Variants in TPP2 observed in about 807,000 individuals in gnomAD.
TPP2 encodes tripeptidyl-peptidase 2.
Under a neutral mutation model 155.9 loss-of-function variants are expected in TPP2, and 34 were observed. That is an observed-to-expected ratio of 0.22 (90% CI 0.17 to 0.29). TPP2 has a LOEUF of 0.29. TPP2 is among the 10% of genes least tolerant of loss of function. The probability of loss-of-function intolerance (pLI) is 1.00; values close to 1 mark genes in which losing one functional copy is unlikely to be tolerated. For synonymous variants in TPP2, 510 were observed against 529.4 expected (o/e 0.96, Z 0.50); for missense variants, 1,028 against 1,522.3 (o/e 0.68, Z 5.40).
intron 24 of TPP2, among the ~76,000 whole-genome samples, chr13:102,653,833 A>T (rs901895898): frequency 1.3e-5 from 2 of 152,256 alleles, no homozygotes; most frequent in African/African-American, 4.8e-5. Flanking sequence ...TGCCATTTTG[A>T]ACCACAATTT....
At chr13:102,637,294 TAAAAA>T (rs928760295) in intron 14 of TPP2, 55 bp downstream of exon 14, 3 of 1,527,460 alleles carry the variant, frequency 2.0e-6, no homozygotes, top group Non-Finnish European at 2.6e-6. Context: ...TTTAAAAGGT[TAAAAA>T]AAAATCCAAA....
intron 29 of TPP2, among the ~76,000 whole-genome samples, chr13:102,676,647 A>G (rs1885295741): frequency 6.6e-6 from 1 of 152,232 alleles, no homozygotes; most frequent in Admixed American, 6.5e-5. Flanking sequence ...ACTAGCCTCA[A>G]ATGTTTTCAA....
At chr13:102,626,116 A>G (rs1881603085) in intron 6 of TPP2, among the ~76,000 whole-genome samples, 1 of 152,174 alleles carries the variant, frequency 6.6e-6, no homozygotes, top group African/African-American at 2.4e-5. Flanking sequence ...CTAATCAGTA[A>G]TGTACCCTCC....
chr13:102,612,842 A>AT (rs1328558843), intron 2 of TPP2, among the ~76,000 whole-genome samples: 1 of 152,014 alleles, frequency 6.6e-6, no homozygotes. Flanking sequence ...ACGACTTTCT[A>AT]TTTTGCAGTT....
chr13:102,600,351 C>A lies in TPP2; in HGVS notation c.165+3148C>A, dbSNP rs553980564. On this transcript the variant is annotated intron_variant, in intron 1 of 29. Transcript: ENST00000376052. ...TTAAGATCCAGTCGGGTCTTGACAC[C>A]ATTATGTTTTGGAAAATCAACTGAT... Among the ~76,000 whole-genome samples the A allele has an allele frequency of 2.6e-5, 4 of 152,254 alleles. No individual in the cohort carries two copies. The South Asian group carries it at 8.3e-4, about 32-fold the overall frequency.
chr13:102,672,630 T>C (rs984012664), intron 27 of TPP2, among the ~76,000 whole-genome samples: 1 of 152,142 alleles, frequency 6.6e-6, no homozygotes, highest in African/African-American at 2.4e-5. Flanking sequence ...CCCTTTCTCC[T>C]TCACAAAATC....
intron 27 of TPP2, chr13:102,667,728 A>C (rs1884699095): frequency 1.0e-6 from 1 of 985,094 alleles, no homozygotes; most frequent in African/African-American, 1.7e-5. Context: ...CCCAGGTCTG[A>C]CAAATGCAGA....
rs200729697 is a variant in TPP2, at chr13:102,637,246, A to G, written c.1836+7A>G. ...AGGATTGCATTATACAGAGGTATTG[A>G]TGTATCTTCATTTTTACTTTCTTCA... On this transcript the variant is annotated splice_region_variant and intron_variant, in intron 14 of 29. Transcript: ENST00000376052. 28 of 1,578,316 alleles carry G rather than the reference A, an allele frequency of 1.8e-5. No homozygotes were observed. Among genetic ancestry groups the G allele is most frequent in the Admixed American group, 1.0e-4 (5 of 49,346 alleles).
intron 10 of TPP2, 113 bp downstream of exon 10, chr13:102,630,308 T>C: frequency 1.4e-6 from 1 of 694,732 alleles, no homozygotes; most frequent in Non-Finnish European, 2.3e-6. Flanking sequence ...GTTTTTACTT[T>C]TTTTTCAGTA....
chr13:102,636,539 G>T, intron 13 of TPP2, 147 bp downstream of exon 13: 1 of 1,061,488 alleles, frequency 9.4e-7, no homozygotes, highest in Non-Finnish European at 1.3e-6. Flanking sequence ...AGTCATAAGA[G>T]AAAATATTAG....
In TPP2 at chr13:102,597,595, C is replaced by T. The variant is rs534135858; in HGVS notation, c.165+392C>T. Among the ~76,000 whole-genome samples, 25 of 152,354 alleles carry T rather than the reference C, an allele frequency of 1.6e-4. No individual in the cohort carries two copies. In the South Asian group the frequency reaches 4.8e-3, roughly 29 times the overall value. The stretch of plus-strand genomic sequence containing the variant: ...CCCAGGCTCCTTCCCTCCACGCCGC[C>T]TTCCTCTGCCTACCCCTCGTGCCTC... On this transcript the variant is annotated intron_variant, in intron 1 of 29. Coordinates refer to ENST00000376052, the MANE Select transcript of TPP2 (RefSeq NM_001330588.2).
At chr13:102,620,405 T>C (rs1177220734) in intron 5 of TPP2, among the ~76,000 whole-genome samples, 1 of 152,216 alleles carries the variant, frequency 6.6e-6, no homozygotes, top group Non-Finnish European at 1.5e-5. Context: ...GTACTAGATA[T>C]AATGTAACTT....
intron 5 of TPP2, among the ~76,000 whole-genome samples, chr13:102,619,927 C>T (rs1881031588): frequency 6.6e-6 from 1 of 152,096 alleles, no homozygotes; most frequent in African/African-American, 2.4e-5. Flanking sequence ...AGTGATAAGC[C>T]TTAGGTGCGT....
intron 5 of TPP2, among the ~76,000 whole-genome samples, chr13:102,622,038 A>C (rs1324437599): frequency 6.6e-6 from 1 of 152,234 alleles, no homozygotes; most frequent in African/African-American, 2.4e-5. Context: ...CAATGCATAA[A>C]AACAAATTTT....
intron 1 of TPP2, among the ~76,000 whole-genome samples, chr13:102,600,700 T>G (rs1353043768): frequency 6.6e-6 from 1 of 152,134 alleles, no homozygotes; most frequent in Non-Finnish European, 1.5e-5. Flanking sequence ...TGAAGGAATA[T>G]AATTTCCTCA....
intron 5 of TPP2, among the ~76,000 whole-genome samples, chr13:102,619,812 G>A (rs1019988207): frequency 5.3e-5 from 8 of 152,086 alleles, no homozygotes; most frequent in Non-Finnish European, 8.8e-5. Context: ...GTTTTGTTGT[G>A]TGCATATGCA....
intron 2 of TPP2, among the ~76,000 whole-genome samples, chr13:102,605,217 A>C (rs553988078): frequency 6.6e-6 from 1 of 152,160 alleles, no homozygotes; most frequent in Admixed American, 6.5e-5. Flanking sequence ...TTTGTTTCCA[A>C]GCCTACTGGT....
At chr13:102,603,031 A>G (rs1879552003) in intron 1 of TPP2, among the ~76,000 whole-genome samples, 1 of 152,128 alleles carries the variant, frequency 6.6e-6, no homozygotes, top group South Asian at 2.1e-4. Context: ...AAAGCCAGCC[A>G]AGAAAGAGCC....
chr13:102,597,273 C>T (rs1254101481), intron 1 of TPP2, 70 bp downstream of exon 1: 1 of 911,276 alleles, frequency 1.1e-6, no homozygotes, highest in Admixed American at 4.3e-5. Context: ...GACACAGTCT[C>T]GGAGCCCGGC....
Sources: allele counts gnomAD v4.1 joint callset (sites outside exome capture counted in the v4.1 genomes callset), GRCh38; gene constraint gnomAD v4.1.1; transcripts MANE v1.5; gene names NCBI Gene and HGNC (gene_info 2026-07-23, HGNC 2026-07-21).